VEPH1: variants seen among roughly 807,000 people sequenced by gnomAD.
VEPH1 encodes ventricular zone expressed PH domain containing 1.
VEPH1 carries 80 observed loss-of-function variants against 85.2 expected under a neutral mutation model. That is an observed-to-expected ratio of 0.94 (90% CI 0.78 to 1.13). The LOEUF (loss-of-function observed/expected upper bound fraction) is 1.13, where lower values mean the gene tolerates loss of function less well. Ranked by LOEUF, VEPH1 falls within the 50% of genes most tolerant of loss-of-function variation. VEPH1 has a pLI of 0.00. For missense variants in VEPH1, 955 were observed against 980.5 expected (o/e 0.97, Z 0.35); for synonymous variants, 297 against 348.0 (o/e 0.85, Z 1.63).
chr3:157,347,882 G>A (rs1439482096), intron 9 of VEPH1, among the ~76,000 whole-genome samples: 1 of 152,210 alleles, frequency 6.6e-6, no homozygotes, highest in Non-Finnish European at 1.5e-5. Context: ...GGAACACAAA[G>A]TGTATACTCT....
intron 9 of VEPH1, among the ~76,000 whole-genome samples, chr3:157,344,302 CT>C (rs1371595398): frequency 2.6e-5 from 4 of 152,204 alleles, no homozygotes; most frequent in Non-Finnish European, 5.9e-5. Context: ...CCAAAATCTC[CT>C]TAAGCTGATA....
chr3:157,308,413 A>T (rs1210910655), intron 11 of VEPH1, among the ~76,000 whole-genome samples: 1 of 151,986 alleles, frequency 6.6e-6, no homozygotes, highest in Non-Finnish European at 1.5e-5. Context: ...GTAGCTAAAC[A>T]ATTGTATATA....
chr3:157,363,359 C>T lies in VEPH1; in HGVS notation c.1735+5G>A, dbSNP rs1029459432. 3.8e-6 allele frequency: 6 copies of T among 1,583,276 alleles called. No homozygotes were observed. The highest frequency in any genetic ancestry group is 1.9e-5 in the Admixed American group (1 of 52,544). On this transcript the variant is annotated splice_donor_5th_base_variant and intron_variant, in intron 9 of 13. Coordinates refer to ENST00000362010, the MANE Select transcript of VEPH1 (RefSeq NM_001167912.2). ...TCTCAGGTTTGGGAAGTACACAACA[C>T]TTACCTTCAATGGTACACTGATCAG...
chr3:157,381,526 T>G, intron 6 of VEPH1, 150 bp from the exon 7 acceptor site: 1 of 693,882 alleles, frequency 1.4e-6, no homozygotes, highest in Non-Finnish European at 2.4e-6. Flanking sequence ...GCAACCAGCC[T>G]GGGCAACATG....
chr3:157,278,694 G>T (rs1715706282), intron 12 of VEPH1, among the ~76,000 whole-genome samples: 1 of 152,192 alleles, frequency 6.6e-6, no homozygotes. Context: ...GGAGAGAAAT[G>T]GACAGATTTG....
chr3:157,322,368 A>G (rs2108556536), intron 9 of VEPH1, among the ~76,000 whole-genome samples: 1 of 152,264 alleles, frequency 6.6e-6, no homozygotes, highest in South Asian at 2.1e-4. Flanking sequence ...CTGTTGATGG[A>G]CATTTGGGCT....
chr3:157,265,358 A>G (rs1180267339), intron 13 of VEPH1, among the ~76,000 whole-genome samples, 168 bp downstream of exon 13: 1 of 152,236 alleles, frequency 6.6e-6, no homozygotes, highest in Non-Finnish European at 1.5e-5. Context: ...ATCAACTAAC[A>G]TAGGAATAAA....
chr3:157,455,318 T>C (rs1002427434), intron 4 of VEPH1, among the ~76,000 whole-genome samples: 14 of 152,148 alleles, frequency 9.2e-5, no homozygotes, highest in Admixed American at 6.6e-4. Context: ...CTCATTGTGA[T>C]TTTGATTTGC....
chr3:157,365,206 A>G (rs1017680660), intron 7 of VEPH1, among the ~76,000 whole-genome samples: 3 of 152,194 alleles, frequency 2.0e-5, no homozygotes, highest in Non-Finnish European at 4.4e-5. Context: ...AAGCTGCAGA[A>G]ATAGCTTTCT....
chr3:157,445,685 A>T (rs1355313490), intron 4 of VEPH1, among the ~76,000 whole-genome samples: 3 of 152,088 alleles, frequency 2.0e-5, no homozygotes, highest in Non-Finnish European at 2.9e-5. Context: ...GCTACTCAGG[A>T]GGGTGAGGCA....
At chr3:157,322,681 G>A (rs1308467714) in intron 9 of VEPH1, among the ~76,000 whole-genome samples, 2 of 152,178 alleles carry the variant, frequency 1.3e-5, no homozygotes, top group East Asian at 1.9e-4. Context: ...TGGCACTCAC[G>A]ACAAGCTAGA....
At chr3:157,276,551 G>A (rs181324848) in intron 12 of VEPH1, among the ~76,000 whole-genome samples, 248 of 152,268 alleles carry the variant, frequency 1.6e-3, no homozygotes, top group Non-Finnish European at 2.5e-3. Context: ...ATACGAAAGA[G>A]TAAAACTGCA....
rs953907328 is a variant in VEPH1 at position 157,473,307 on chromosome 3, C to T, written c.139-2778G>A. ...CAGGATGGTCTCAATCCCCTGACCT[C>T]GTGATCTGCCTGCCTTGGCCTCCCA... On this transcript the variant is annotated intron_variant, in intron 2 of 13. Coordinates refer to ENST00000362010, the MANE Select transcript of VEPH1 (RefSeq NM_001167912.2). Among the ~76,000 whole-genome samples, 8 of 151,882 alleles carry T rather than the reference C, an allele frequency of 5.3e-5. No homozygotes were observed. The South Asian group carries it at 6.2e-4, about 12-fold the overall frequency.
At chr3:157,447,594 C>CTT (rs10719525) in intron 4 of VEPH1, among the ~76,000 whole-genome samples, 135 of 133,096 alleles carry the variant, frequency 1.0e-3, no homozygotes, top group African/African-American at 3.3e-3. Context: ...TGCTTCCAAT[C>CTT]TTTTTTTTTT....
At chr3:157,406,619 G>A (rs908591315) in intron 6 of VEPH1, among the ~76,000 whole-genome samples, 3 of 133,142 alleles carry the variant, frequency 2.3e-5, no homozygotes, top group Non-Finnish European at 3.1e-5. Flanking sequence ...AAGGCAGAGG[G>A]CACAGGATTT....
At chr3:157,299,573 A>AG (rs1470188207) in intron 11 of VEPH1, among the ~76,000 whole-genome samples, 2 of 151,270 alleles carry the variant, frequency 1.3e-5, no homozygotes, top group African/African-American at 4.8e-5. Flanking sequence ...AAAAAAAAAA[A>AG]AAAAAAAGAA....
intron 2 of VEPH1, among the ~76,000 whole-genome samples, chr3:157,472,659 T>C (rs1238311514): frequency 6.6e-6 from 1 of 152,180 alleles, no homozygotes; most frequent in African/African-American, 2.4e-5. Flanking sequence ...TTTCTGATTC[T>C]CTCCTTCCTC....
intron 4 of VEPH1, among the ~76,000 whole-genome samples, chr3:157,454,129 T>C (rs1184258184): frequency 6.6e-6 from 1 of 152,196 alleles, no homozygotes; most frequent in African/African-American, 2.4e-5. Flanking sequence ...GTGTGGTGTG[T>C]ATAAGTGTTT....
chr3:157,260,901 T>C lies in VEPH1; in HGVS notation c.*233A>G. On this transcript the variant is annotated 3_prime_UTR_variant, in exon 14 of 14. Transcript: ENST00000362010. ...GGGCATACTCTGTAGCTCCTTTTAT[T>C]TTATTTTATTTTTGTGGGCATCAGA... 1.9e-6 allele frequency: 1 copy of C among 529,094 alleles called. No homozygotes were observed. The highest frequency in any genetic ancestry group is 3.3e-6 in the Non-Finnish European group (1 of 307,246). 32.8% of individuals were successfully genotyped at this position (529,094 alleles called of 1,614,324 possible). A position where few individuals can be genotyped will look rare whatever the true frequency, so the allele number is the denominator to read the frequency against.
Sources: allele counts gnomAD v4.1 joint callset (sites outside exome capture counted in the v4.1 genomes callset), GRCh38; gene constraint gnomAD v4.1.1; transcripts MANE v1.5; gene names NCBI Gene and HGNC (gene_info 2026-07-23, HGNC 2026-07-21).